Variants in MMRN1 observed in about 807,000 individuals in gnomAD.
MMRN1 encodes the protein multimerin-1.
MMRN1 carries 94 observed loss-of-function variants against 100.7 expected under a neutral mutation model. The ratio of observed to expected loss-of-function variants is 0.93; its 90% CI spans 0.79 to 1.11. The LOEUF is 1.11. Among genes scored for constraint, MMRN1 ranks in the 50% least tolerant of loss-of-function variants. The pLI, the probability that MMRN1 is intolerant of heterozygous loss-of-function variation, is 0.00. For missense variants in MMRN1, 1,606 were observed against 1,439.1 expected, an observed-to-expected ratio of 1.12 and a Z score of -1.88; for synonymous variants, 575 against 505.0, an observed-to-expected ratio of 1.14 and a Z score of -1.86.
chr4:89,924,830 G>A (rs1722196858), intron 4 of MMRN1, among the ~76,000 whole-genome samples: 1 of 151,912 alleles, frequency 6.6e-6, no homozygotes, highest in Non-Finnish European at 1.5e-5. Context: ...GTGACAGAGC[G>A]AGACTGTCTC....
In MMRN1 at chr4:89,951,769, G is replaced by C. The variant is rs776557832; in HGVS notation, c.3265+18G>C. 6.2e-7 allele frequency: 1 copy of C among 1,607,644 alleles called. No homozygotes were observed. The highest frequency in any genetic ancestry group is 1.3e-5 in the African/African-American group (1 of 74,438). On this transcript the variant is annotated intron_variant, in intron 7 of 7. Transcript: ENST00000264790. ...AGCTCCAGGTAAAAAAAAAGTATAC[G>C]CATCTTTGGATTTGCTCATTGTCAT...
rs568460857 is a variant in MMRN1 at position 89,940,883 on chromosome 4, T to C, written c.3118+4085T>C. 1.4e-4 allele frequency among the ~76,000 whole-genome samples: 22 copies of C among 152,242 alleles called. 1 individual carries two copies. The highest frequency in any genetic ancestry group is 1.3e-3 in the Admixed American group (20 of 15,270). On this transcript the variant is annotated intron_variant, in intron 6 of 7. Transcript: ENST00000264790. The stretch of plus-strand genomic sequence containing the variant: ...TTACAAACTTATAGCATCTCATTGT[T>C]ACTTATTATTACTTTGATAATTCAC...
intron 1 of MMRN1, among the ~76,000 whole-genome samples, chr4:89,904,206 T>C (rs993631218): frequency 5.9e-5 from 9 of 151,844 alleles, no homozygotes; most frequent in Non-Finnish European, 1.3e-4. Flanking sequence ...ACAAGAGATA[T>C]GCAAAATTAT....
chr4:89,946,308 A>G (rs1373593834), intron 6 of MMRN1, among the ~76,000 whole-genome samples: 1 of 152,192 alleles, frequency 6.6e-6, no homozygotes, highest in African/African-American at 2.4e-5. Flanking sequence ...CAAAACGATA[A>G]GTTCCCTCGC....
intron 3 of MMRN1, among the ~76,000 whole-genome samples, chr4:89,919,780 T>C (rs1011326198): frequency 6.6e-6 from 1 of 152,092 alleles, no homozygotes; most frequent in Non-Finnish European, 1.5e-5. Context: ...GGTTAAACTT[T>C]TGTTTCTTTT....
At chr4:89,929,325 C>T (rs1722364259) in intron 5 of MMRN1, among the ~76,000 whole-genome samples, 1 of 151,938 alleles carries the variant, frequency 6.6e-6, no homozygotes, top group Non-Finnish European at 1.5e-5. Flanking sequence ...TATCATCTAC[C>T]AGTATGGATG....
At chr4:89,923,043 C>T in intron 3 of MMRN1, 125 bp from the exon 4 acceptor site, 3 of 748,960 alleles carry the variant, frequency 4.0e-6, no homozygotes, top group Non-Finnish European at 6.8e-6. Context: ...ACTCTGCAAT[C>T]ATCCCCGACC....
At chr4:89,925,256 T>A (rs189200730) in intron 4 of MMRN1, among the ~76,000 whole-genome samples, 18 of 149,008 alleles carry the variant, frequency 1.2e-4, no homozygotes, top group Admixed American at 8.7e-4. Flanking sequence ...CCTGCCTCAG[T>A]GCCCAAGCAG....
chr4:89,881,134 T>C (rs1364701184), intron 1 of MMRN1, among the ~76,000 whole-genome samples: 4 of 152,114 alleles, frequency 2.6e-5, no homozygotes, highest in Non-Finnish European at 4.4e-5. Flanking sequence ...TTCTTTAATT[T>C]AACCAATGAT....
chr4:89,895,197 G>T lies in MMRN1; in HGVS notation c.226G>T (p.Asp76Tyr). The change falls in exon 1 of 8, where the codon GAC (aspartate) becomes TAC (tyrosine). Residue 76 changes from aspartate (D) to tyrosine (Y), a missense_variant. Transcript: ENST00000264790. ...AACTCCAGAGGCAAGAACTTCTGAAGACAGTCTTCTTAAATCAACACTGCC... is the reference window on the plus strand; with the variant it reads ...AACTCCAGAGGCAAGAACTTCTGAATACAGTCTTCTTAAATCAACACTGCC... The part of the protein sequence containing the change: ...ATTPEARTSE[D>Y]SLLKSTLPPS... 1 of 1,613,828 alleles carries T rather than the reference G, an allele frequency of 6.2e-7. No homozygotes were observed. Among genetic ancestry groups the T allele is most frequent in the South Asian group, 1.1e-5 (1 of 91,082 alleles).
At position 89,935,355 on chromosome 4, in the gene MMRN1, A is replaced by G; in HGVS notation, c.1675A>G (p.Met559Val). The G allele has an allele frequency of 1.2e-6, 2 of 1,613,434 alleles. No individual in the cohort carries two copies. The highest frequency in any genetic ancestry group is 2.2e-5 in the East Asian group (1 of 44,830). The change falls in exon 6 of 8, where the codon ATG (methionine) becomes GTG (valine). Residue 559 changes from methionine to valine, a missense_variant. By Grantham distance (21) the Met-to-Val change is conservative. Coordinates refer to ENST00000264790, the MANE Select transcript of MMRN1 (RefSeq NM_007351.3). ...LHENIKKQSL[M>V]MLQMFEDLHI... is the part of the protein sequence containing the mutation. ...TGAAAATATAAAGAAGCAGAGTTTGATGATGCTGCAAATGTTTGAAGATTT... is the reference window on the plus strand; with the variant it reads ...TGAAAATATAAAGAAGCAGAGTTTGGTGATGCTGCAAATGTTTGAAGATTT...
rs572075523 is a variant in MMRN1, at chr4:89,949,159, A to G, written c.3119-2446A>G. The stretch of plus-strand genomic sequence containing the variant: ...ATCCTTGATCCTGAAGATTCAGAGT[A>G]GAGCCAACAGCAATGCAGATAAATC... On this transcript the variant is annotated intron_variant, in intron 6 of 7. Coordinates refer to ENST00000264790, the MANE Select transcript of MMRN1 (RefSeq NM_007351.3). Among the ~76,000 whole-genome samples, 99 of 152,336 alleles carry G rather than the reference A, an allele frequency of 6.5e-4. 1 individual carries two copies. In the South Asian group the frequency reaches 0.02, roughly 31 times the overall value.
chr4:89,945,426 T>C (rs1722958511), intron 6 of MMRN1, among the ~76,000 whole-genome samples: 1 of 152,166 alleles, frequency 6.6e-6, no homozygotes, highest in Non-Finnish European at 1.5e-5. Flanking sequence ...GACTAACCAC[T>C]TGGCATTTCC....
intron 1 of MMRN1, among the ~76,000 whole-genome samples, chr4:89,900,507 A>G (rs1721349974): frequency 6.6e-6 from 1 of 152,068 alleles, no homozygotes; most frequent in African/African-American, 2.4e-5. Context: ...CTCACTTGCC[A>G]TTCCTTATTT....
At chr4:89,924,315 T>A (rs1722178256) in intron 4 of MMRN1, among the ~76,000 whole-genome samples, 2 of 152,136 alleles carry the variant, frequency 1.3e-5, no homozygotes, top group Non-Finnish European at 2.9e-5. Flanking sequence ...ATAATTTTTT[T>A]AAAACACTGA....
At chr4:89,900,568 A>T (rs922798704) in intron 1 of MMRN1, among the ~76,000 whole-genome samples, 1 of 152,010 alleles carries the variant, frequency 6.6e-6, no homozygotes, top group South Asian at 2.1e-4. Flanking sequence ...TATTCTACTT[A>T]TATAGACAAT....
Position 89,934,885 on chromosome 4 carries a change from T to C in MMRN1, c.1205T>C (p.Met402Thr). 6.3e-7 allele frequency: 1 copy of C among 1,599,598 alleles called. No homozygotes were observed. Among genetic ancestry groups the C allele is most frequent in the Non-Finnish European group, 8.5e-7 (1 of 1,175,894 alleles). The change falls in exon 6 of 8, where the codon ATG (methionine) becomes ACG (threonine). Residue 402 changes from methionine to threonine, a missense_variant. By Grantham distance (81) the Met-to-Thr change is moderately conservative. Coordinates refer to ENST00000264790, the MANE Select transcript of MMRN1 (RefSeq NM_007351.3). ...REQFKIFQND[M>T]QETVAQLFKT... ...CAATTTAAAATTTTTCAAAATGACATGCAAGAGACTGTAGCACAGCTCTTC... is the reference window on the plus strand; with the variant it reads ...CAATTTAAAATTTTTCAAAATGACACGCAAGAGACTGTAGCACAGCTCTTC...
intron 6 of MMRN1, among the ~76,000 whole-genome samples, chr4:89,937,981 C>G (rs1722698836): frequency 6.6e-6 from 1 of 152,002 alleles, no homozygotes; most frequent in Non-Finnish European, 1.5e-5. Flanking sequence ...ATGAATATCT[C>G]TTCATTCTTA....
intron 6 of MMRN1, among the ~76,000 whole-genome samples, chr4:89,938,042 G>A (rs1722701543): frequency 6.6e-6 from 1 of 151,782 alleles, no homozygotes; most frequent in Non-Finnish European, 1.5e-5. Context: ...TTAAATTATA[G>A]CCCATTTGTA....
Sources: allele counts gnomAD v4.1 joint callset (sites outside exome capture counted in the v4.1 genomes callset), GRCh38; gene constraint gnomAD v4.1.1; transcripts MANE v1.5; gene names NCBI Gene and HGNC (gene_info 2026-07-23, HGNC 2026-07-21).